The following AHCTF1 variants were observed in gnomAD, a reference collection of about 807,000 sequenced individuals.
AHCTF1 encodes the protein protein ELYS.
Under a neutral mutation model 248.4 loss-of-function variants are expected in AHCTF1, and 24 were observed. That is an observed-to-expected ratio of 0.10 (90% CI 0.07 to 0.14). The LOEUF (loss-of-function observed/expected upper bound fraction) is 0.14. AHCTF1 is among the 10% of genes least tolerant of loss of function. The pLI, the probability that AHCTF1 is intolerant of heterozygous loss-of-function variation, is 1.00. For synonymous variants in AHCTF1, 786 were observed against 929.8 expected (o/e 0.85, Z 2.81); for missense variants, 2,206 against 2,636.2 (o/e 0.84, Z 3.57).
At chr1:246,864,209 A>G (rs1661787116) in intron 26 of AHCTF1, 93 bp from the exon 27 acceptor site, 1 of 1,228,746 alleles carries the variant, frequency 8.1e-7, no homozygotes. Flanking sequence ...ACTGGTAACT[A>G]TGATAGCCAC....
Position 246,921,693 on chromosome 1 carries a change from C to T in AHCTF1, c.-7-3316G>A, listed in dbSNP as rs75891732. On this transcript the variant is annotated intron_variant, in intron 1 of 35. Coordinates refer to ENST00000648844, the MANE Select transcript of AHCTF1 (RefSeq NM_001323342.2). ...CCAAAAAAGAGAAATGACTCAACAA[C>T]AGTAGTAGAAACCGCAATTCTGGAA... is the stretch of plus-strand genomic sequence containing the variant. Among the ~76,000 whole-genome samples, 1,432 of 152,230 alleles carry T rather than the reference C, an allele frequency of 9.4e-3. 12 individuals carry two copies. The highest frequency in any genetic ancestry group is 0.028 in the African/African-American group (1,169 of 41,526).
chr1:246,927,348 C>T lies in AHCTF1; in HGVS notation c.-8+4230G>A, dbSNP rs572729816. Among the ~76,000 whole-genome samples, 4 of 152,106 alleles carry T rather than the reference C, an allele frequency of 2.6e-5. No homozygotes were observed. The South Asian group carries it at 8.3e-4, about 32-fold the overall frequency. On this transcript the variant is annotated intron_variant, in intron 1 of 35. Transcript: ENST00000648844. The stretch of plus-strand genomic sequence containing the variant: ...TAAAAACAAGAAATGTAGCAGCCAG[C>T]CACGGCTGCATACGCTTGTCATCCC...
At chr1:246,860,720 G>C (rs1241900066) in intron 29 of AHCTF1, among the ~76,000 whole-genome samples, 179 bp downstream of exon 29, 4 of 152,064 alleles carry the variant, frequency 2.6e-5, no homozygotes, top group African/African-American at 9.7e-5. Flanking sequence ...TGACCAGGCT[G>C]GTCTTGAACT....
At chr1:246,877,822 G>A (rs939065512) in intron 21 of AHCTF1, among the ~76,000 whole-genome samples, 2 of 152,166 alleles carry the variant, frequency 1.3e-5, no homozygotes, top group African/African-American at 4.8e-5. Context: ...GAGGTGCTAA[G>A]ATGTCCTTTG....
At chr1:246,906,036 A>C (rs549683977) in intron 5 of AHCTF1, among the ~76,000 whole-genome samples, 2 of 152,120 alleles carry the variant, frequency 1.3e-5, no homozygotes, top group Non-Finnish European at 2.9e-5. Context: ...TTTGATGTAC[A>C]CTCCTACATA....
intron 24 of AHCTF1, 90 bp from the exon 25 acceptor site, chr1:246,867,901 C>CACACA (rs1553291133): frequency 7.3e-5 from 23 of 313,838 alleles, no homozygotes; most frequent in African/African-American, 5.3e-4. Flanking sequence ...ACCCCCCCCC[C>CACACA]CACACACACA....
At chr1:246,880,837 T>C (rs1375373296) in intron 21 of AHCTF1, among the ~76,000 whole-genome samples, 6 of 152,172 alleles carry the variant, frequency 3.9e-5, no homozygotes, top group African/African-American at 1.4e-4. Context: ...ACTATTCTCT[T>C]GCTTCCTACA....
At chr1:246,875,138 A>AT (rs1468234727) in intron 24 of AHCTF1, among the ~76,000 whole-genome samples, 15 of 152,288 alleles carry the variant, frequency 9.8e-5, no homozygotes, top group Admixed American at 3.9e-4. Flanking sequence ...CATGCGACCT[A>AT]TATACTGACA....
intron 33 of AHCTF1, among the ~76,000 whole-genome samples, chr1:246,847,873 T>G (rs1449805483): frequency 6.6e-6 from 1 of 151,954 alleles, no homozygotes; most frequent in African/African-American, 2.4e-5. Context: ...TCCTGAGGAG[T>G]GTATAAGTTA....
intron 33 of AHCTF1, among the ~76,000 whole-genome samples, chr1:246,848,529 G>A (rs908508056): frequency 1.3e-5 from 2 of 151,184 alleles, no homozygotes; most frequent in Non-Finnish European, 3.0e-5. Flanking sequence ...ATAAGGTCCT[G>A]AACTGCTTTG....
chr1:246,926,975 C>T (rs1014425758), intron 1 of AHCTF1, among the ~76,000 whole-genome samples: 12 of 151,402 alleles, frequency 7.9e-5, no homozygotes, highest in African/African-American at 2.7e-4. Context: ...GAGATCGAGA[C>T]CATCCTGGCT....
intron 1 of AHCTF1, among the ~76,000 whole-genome samples, chr1:246,924,431 A>G (rs1206511772): frequency 6.6e-6 from 1 of 152,098 alleles, no homozygotes; most frequent in Non-Finnish European, 1.5e-5. Flanking sequence ...TCATTTCAGT[A>G]TGGCTTGGAT....
chr1:246,868,007 A>G (rs1662135668), intron 24 of AHCTF1, among the ~76,000 whole-genome samples, 196 bp from the exon 25 acceptor site: 1 of 149,920 alleles, frequency 6.7e-6, no homozygotes, highest in Admixed American at 6.7e-5. Flanking sequence ...GTGTCACTCA[A>G]GCTGGAGGGC....
At chr1:246,849,005 T>G (rs1026750917) in intron 33 of AHCTF1, among the ~76,000 whole-genome samples, 6 of 152,194 alleles carry the variant, frequency 3.9e-5, no homozygotes, top group Admixed American at 6.5e-5. Flanking sequence ...TGCAGATATA[T>G]TGTATATCTG....
chr1:246,928,001 A>G (rs1177614743), intron 1 of AHCTF1, among the ~76,000 whole-genome samples: 2 of 152,148 alleles, frequency 1.3e-5, no homozygotes, highest in African/African-American at 4.8e-5. Context: ...TCCGCCACCA[A>G]AAAATTAATT....
chr1:246,880,346 C>T (rs1022650247), intron 21 of AHCTF1, among the ~76,000 whole-genome samples: 4 of 151,684 alleles, frequency 2.6e-5, no homozygotes, highest in African/African-American at 7.3e-5. Flanking sequence ...GGGCAGATCA[C>T]GAGGTCAGGA....
chr1:246,889,470 A>G (rs1664061871), intron 17 of AHCTF1, among the ~76,000 whole-genome samples: 1 of 152,220 alleles, frequency 6.6e-6, no homozygotes, highest in East Asian at 1.9e-4. Flanking sequence ...ACACTTAGGA[A>G]ATAACAGATC....
chr1:246,916,294 C>T lies in AHCTF1; in HGVS notation c.223G>A (p.Glu75Lys). The T allele has an allele frequency of 6.2e-7, 1 of 1,608,964 alleles. No homozygotes were observed. The highest frequency in any genetic ancestry group is 1.1e-5 in the South Asian group (1 of 90,852). Residue 75 changes from glutamate to lysine, a missense_variant, in exon 3 of 36, where the codon GAA becomes AAA. Transcript: ENST00000648844. ...ACAGCTAAAACTACAGGAGGCTGTT[C>T]ATTGACTCCACTGAATCTGTAAGCA... Reference protein sequence around the residue: ...LSAYRFSGVNEQPPVVLAVKE... With the variant: ...LSAYRFSGVNKQPPVVLAVKE...
At chr1:246,883,375 T>C (rs1006056485) in intron 21 of AHCTF1, among the ~76,000 whole-genome samples, 2 of 152,208 alleles carry the variant, frequency 1.3e-5, no homozygotes, top group Non-Finnish European at 2.9e-5. Context: ...AATTAGGTGA[T>C]TATGTATGAC....
Sources: gnomAD v4.1 joint callset for allele counts (sites outside exome capture counted in the v4.1 genomes callset) on GRCh38, gnomAD v4.1.1 for gene constraint, MANE v1.5 for transcripts, NCBI Gene and HGNC (gene_info 2026-07-23, HGNC 2026-07-21) for gene names.